ULK4: variants seen among roughly 807,000 people sequenced by gnomAD.
ULK4 encodes the protein inactive serine/threonine-protein kinase ULK4.
A neutral mutation model predicts 160.6 loss-of-function variants in ULK4; 133 were observed. The ratio of observed to expected loss-of-function variants is 0.83; its 90% CI spans 0.72 to 0.96. The LOEUF (loss-of-function observed/expected upper bound fraction) is 0.96, where lower values mean the gene tolerates loss of function less well. ULK4 is among the 40% of genes least tolerant of loss of function. The pLI is 0.00. For missense variants in ULK4, 1,580 were observed against 1,499.5 expected (o/e 1.05, Z -0.89); for synonymous variants, 534 against 539.8 (o/e 0.99, Z 0.15).
At chr3:41,369,985 G>C (rs2081330171) in intron 35 of ULK4, among the ~76,000 whole-genome samples, 1 of 151,984 alleles carries the variant, frequency 6.6e-6, no homozygotes, top group Non-Finnish European at 1.5e-5. Flanking sequence ...TTTCATCAGA[G>C]ACTGGCAAAG....
intron 29 of ULK4, among the ~76,000 whole-genome samples, chr3:41,679,773 T>C (rs2125788047): frequency 6.6e-6 from 1 of 152,354 alleles, no homozygotes; most frequent in African/African-American, 2.4e-5. Context: ...GAAGTCCTGT[T>C]GGAGTAAATC....
chr3:41,425,142 G>T (rs1296778063), intron 34 of ULK4, among the ~76,000 whole-genome samples: 4 of 151,936 alleles, frequency 2.6e-5, no homozygotes, highest in Non-Finnish European at 5.9e-5. Context: ...CAAGAACTTC[G>T]CAATGCAACC....
intron 29 of ULK4, among the ~76,000 whole-genome samples, chr3:41,667,351 C>A (rs2035380241): frequency 6.6e-6 from 1 of 151,956 alleles, no homozygotes; most frequent in Admixed American, 6.6e-5. Flanking sequence ...AAATGAAGGG[C>A]AAAATTCATA....
At position 41,597,481 on chromosome 3, in the gene ULK4, C is replaced by T. The variant is rs147351361; in HGVS notation, c.3120+18188G>A. On this transcript the variant is annotated intron_variant, in intron 31 of 36. Transcript: ENST00000301831. ...CCTCTCTCTCCACCTCCGCATAGCC[C>T]ATCCCAGGTTGGGTCTTTTAGGCAG... 7.0e-4 allele frequency among the ~76,000 whole-genome samples: 106 copies of T among 152,302 alleles called. 1 individual carries two copies. Among genetic ancestry groups the T allele is most frequent in the African/African-American group, 2.3e-3 (95 of 41,572 alleles).
rs573844147 is a variant in ULK4 at position 41,811,670 on chromosome 3, G to A, written c.1848+7753C>T. On this transcript the variant is annotated intron_variant, in intron 19 of 36. Transcript: ENST00000301831. ...CATGGGGTATTAATAAATGTTGCAC[G>A]AATGAAGGGTTTTCTAGTCAAATAG... Among the ~76,000 whole-genome samples the A allele has an allele frequency of 4.6e-5, 7 of 152,246 alleles. No homozygotes were observed. In the South Asian group the frequency reaches 1.5e-3, roughly 32 times the overall value.
intron 31 of ULK4, among the ~76,000 whole-genome samples, chr3:41,600,431 A>G (rs1215990690): frequency 6.6e-6 from 1 of 152,234 alleles, no homozygotes; most frequent in Non-Finnish European, 1.5e-5. Flanking sequence ...TGACCAGGTC[A>G]GGAGAGTCTT....
chr3:41,616,141 C>T (rs544146481), intron 30 of ULK4, among the ~76,000 whole-genome samples: 15 of 152,184 alleles, frequency 9.9e-5, no homozygotes, highest in Admixed American at 3.9e-4. Flanking sequence ...TAATGTATGA[C>T]GAATTTTAAT....
At chr3:41,423,449 T>C (rs1399145657) in intron 34 of ULK4, among the ~76,000 whole-genome samples, 3 of 152,136 alleles carry the variant, frequency 2.0e-5, no homozygotes, top group Admixed American at 6.5e-5. Flanking sequence ...ATGGAAAAGA[T>C]AGGACGGGCT....
At chr3:41,446,193 T>A in intron 34 of ULK4, among the ~76,000 whole-genome samples, 1 of 152,100 alleles carries the variant, frequency 6.6e-6, no homozygotes, top group East Asian at 1.9e-4. Flanking sequence ...CTCACACCAG[T>A]TAGAATGGCA....
chr3:41,374,846 T>C (rs1483550707), intron 35 of ULK4, among the ~76,000 whole-genome samples: 1 of 152,172 alleles, frequency 6.6e-6, no homozygotes, highest in African/African-American at 2.4e-5. Flanking sequence ...GAAGTCAAAT[T>C]ATCTCCGTTT....
intron 35 of ULK4, among the ~76,000 whole-genome samples, chr3:41,277,187 A>G (rs963063399): frequency 6.6e-6 from 1 of 152,192 alleles, no homozygotes; most frequent in Non-Finnish European, 1.5e-5. Context: ...AAGAATTGGT[A>G]CCAATCCTTT....
At chr3:41,756,152 G>T (rs73828249) in intron 21 of ULK4, among the ~76,000 whole-genome samples, 7,747 of 152,218 alleles carry the variant, frequency 0.051, 646 homozygotes, top group African/African-American at 0.17. Context: ...AAACTCAGAA[G>T]TCTGAGTACC....
At chr3:41,329,309 T>G (rs1448200780) in intron 35 of ULK4, among the ~76,000 whole-genome samples, 1 of 152,210 alleles carries the variant, frequency 6.6e-6, no homozygotes, top group Non-Finnish European at 1.5e-5. Flanking sequence ...TTTGGCTCAA[T>G]CTGGGGAGCA....
At chr3:41,470,034 A>C (rs959666645) in intron 32 of ULK4, among the ~76,000 whole-genome samples, 8 of 148,104 alleles carry the variant, frequency 5.4e-5, no homozygotes, top group South Asian at 2.1e-4. Context: ...AAAAAAAAAA[A>C]AAAAAAAAAA....
At chr3:41,958,648 G>A (rs1371923515) in intron 1 of ULK4, among the ~76,000 whole-genome samples, 5 of 151,692 alleles carry the variant, frequency 3.3e-5, no homozygotes, top group Non-Finnish European at 7.4e-5. Flanking sequence ...GAAGGCAGAG[G>A]GAGGTTGCAG....
At chr3:41,635,781 G>C (rs2033928590) in intron 30 of ULK4, among the ~76,000 whole-genome samples, 1 of 152,188 alleles carries the variant, frequency 6.6e-6, no homozygotes, top group Admixed American at 6.5e-5. Flanking sequence ...TAATTGATCT[G>C]AGATTAGAAC....
intron 34 of ULK4, among the ~76,000 whole-genome samples, chr3:41,401,739 A>C (rs950942723): frequency 6.6e-6 from 1 of 152,078 alleles, no homozygotes; most frequent in Non-Finnish European, 1.5e-5. Flanking sequence ...CCAATTTCTC[A>C]ATTTCAGCCA....
intron 32 of ULK4, among the ~76,000 whole-genome samples, chr3:41,535,873 C>T (rs1235859869): frequency 6.6e-6 from 1 of 152,186 alleles, no homozygotes; most frequent in African/African-American, 2.4e-5. Flanking sequence ...CAATGTACTC[C>T]TGCCTAGGAA....
chr3:41,465,784 A>T (rs1004765978), intron 32 of ULK4, among the ~76,000 whole-genome samples: 4 of 152,190 alleles, frequency 2.6e-5, no homozygotes, highest in African/African-American at 9.6e-5. Flanking sequence ...ATCTGGAAAG[A>T]TATACCATTT....
Sources: allele counts gnomAD v4.1 joint callset (sites outside exome capture counted in the v4.1 genomes callset), GRCh38; gene constraint gnomAD v4.1.1; transcripts MANE v1.5; gene names NCBI Gene and HGNC (gene_info 2026-07-23, HGNC 2026-07-21).